The following STUM variants were observed in gnomAD, a reference collection of about 807,000 sequenced individuals.
STUM encodes the protein stum, mechanosensory transduction mediator homolog, also known as protein stum homolog.
Under a neutral mutation model 15.3 loss-of-function variants are expected in STUM, and 8 were observed. The observed-to-expected ratio is 0.52, with a 90% CI of 0.31 to 0.94. The LOEUF (loss-of-function observed/expected upper bound fraction) is 0.94. Among genes scored for constraint, STUM ranks in the 40% least tolerant of loss-of-function variants. The pLI is 0.05. For synonymous variants in STUM, 78 were observed against 88.7 expected (o/e 0.88, Z 0.68); for missense variants, 142 against 204.9 (o/e 0.69, Z 1.87).
chr1:226,592,645 T>C (rs10799361), intron 1 of STUM, among the ~76,000 whole-genome samples: 72,226 of 152,106 alleles, frequency 0.47, 17,306 homozygotes, highest in Admixed American at 0.54. Flanking sequence ...CATATTCTTA[T>C]TCATCTTCAA....
chr1:226,591,644 C>T (rs1168236888), intron 1 of STUM, among the ~76,000 whole-genome samples: 1 of 152,164 alleles, frequency 6.6e-6, no homozygotes, highest in Non-Finnish European at 1.5e-5. Flanking sequence ...GAGATTTCAT[C>T]TTTTGGCCAG....
At chr1:226,578,023 A>ATAG (rs1667848458) in intron 1 of STUM, among the ~76,000 whole-genome samples, 1 of 152,018 alleles carries the variant, frequency 6.6e-6, no homozygotes, top group Non-Finnish European at 1.5e-5. Flanking sequence ...TTGTGATGAG[A>ATAG]TAGTATCATG....
At chr1:226,575,989 G>A (rs1330840647) in intron 1 of STUM, among the ~76,000 whole-genome samples, 1 of 152,228 alleles carries the variant, frequency 6.6e-6, no homozygotes, top group Non-Finnish European at 1.5e-5. Flanking sequence ...AGAACGTACT[G>A]CCCTAGGTTT....
In STUM at chr1:226,600,760, C is replaced by T; in HGVS notation, c.391+86C>T. The T allele has an allele frequency of 7.0e-7, 1 of 1,430,196 alleles. No individual in the cohort carries two copies. Among genetic ancestry groups the T allele is most frequent in the East Asian group, 2.3e-5 (1 of 43,962 alleles). The allele number at this position is 1,430,196 out of a possible 1,614,324, so 88.6% of individuals were successfully genotyped here. On this transcript the variant is annotated intron_variant, in intron 3 of 3. Transcript: ENST00000366788. This position sits in a 1 kb window ranked among gnomAD's most constrained non-coding sequence, Gnocchi z 5.2. ...AGACCCCCACTCCTGCACACAAACA[C>T]CCCACCCACTCTCCCAGTGGGTCAA...
At chr1:226,581,323 C>T (rs371891432) in intron 1 of STUM, among the ~76,000 whole-genome samples, 5 of 152,206 alleles carry the variant, frequency 3.3e-5, no homozygotes, top group Non-Finnish European at 5.9e-5. Context: ...ATTGAATGGA[C>T]GGACAGACAG....
intron 1 of STUM, among the ~76,000 whole-genome samples, chr1:226,571,342 A>G (rs1667708284): frequency 6.6e-6 from 1 of 152,248 alleles, no homozygotes; most frequent in Non-Finnish European, 1.5e-5. Flanking sequence ...TGGAGGGTCT[A>G]GGAAGTACCA....
chr1:226,565,020 G>T lies in STUM; in HGVS notation c.202+15914G>T, dbSNP rs1267368957. Among the ~76,000 whole-genome samples the T allele has an allele frequency of 6.6e-6, 1 of 152,176 alleles. No individual in the cohort carries two copies. The highest frequency in any genetic ancestry group is 1.5e-5 in the Non-Finnish European group (1 of 68,028). On this transcript the variant is annotated intron_variant, in intron 1 of 3. Coordinates refer to ENST00000366788, the MANE Select transcript of STUM (RefSeq NM_001003665.4). The surrounding 1 kb of genome is among the most constrained non-coding windows in gnomAD (Gnocchi z 4.4). ...GGACCCGAGGAGGCCGACCTCTACG[G>T]CCTGCATCACCAGTCCCCTTGCCCT...
At position 226,606,092 on chromosome 1, in the gene STUM, C is replaced by G. The variant is rs549789764; in HGVS notation, c.*4052C>G. On this transcript the variant is annotated 3_prime_UTR_variant, in exon 4 of 4. Coordinates refer to ENST00000366788, the MANE Select transcript of STUM (RefSeq NM_001003665.4). ...CTGGAGGGCAAAGGGGTCCGGCTCT[C>G]AAAAAGAAAAGCCAGGCACAGATCC... 7 of 152,274 alleles carry G rather than the reference C, an allele frequency of 4.6e-5. No individual in the cohort carries two copies. In the East Asian group the frequency reaches 1.4e-3, roughly 29 times the overall value. The allele number at this position is 152,274 out of a possible 1,614,324, so 9.4% of individuals were successfully genotyped here. A position where few individuals can be genotyped will look rare whatever the true frequency, so the allele number is the denominator to read the frequency against.
chr1:226,593,079 G>C (rs1029742769), intron 1 of STUM, among the ~76,000 whole-genome samples: 1 of 152,004 alleles, frequency 6.6e-6, no homozygotes, highest in African/African-American at 2.4e-5. Context: ...CCAGCTACTT[G>C]GGAGGCTGAA....
chr1:226,580,171 G>A (rs997693040), intron 1 of STUM, among the ~76,000 whole-genome samples: 1 of 152,154 alleles, frequency 6.6e-6, no homozygotes, highest in Non-Finnish European at 1.5e-5. Flanking sequence ...TGTGGGAGGA[G>A]GAGCCATGGG....
chr1:226,587,275 TCA>T (rs919047869), intron 1 of STUM, among the ~76,000 whole-genome samples: 4 of 152,088 alleles, frequency 2.6e-5, no homozygotes, highest in African/African-American at 9.7e-5. Flanking sequence ...AGAACTGATG[TCA>T]CAGTCAGGAG....
At chr1:226,554,179 C>G (rs1331541854) in intron 1 of STUM, among the ~76,000 whole-genome samples, 1 of 152,204 alleles carries the variant, frequency 6.6e-6, no homozygotes, top group Non-Finnish European at 1.5e-5. Flanking sequence ...TTCCCTCTCT[C>G]CTGAAAATGG....
At chr1:226,583,597 G>T (rs1393735037) in intron 1 of STUM, among the ~76,000 whole-genome samples, 1 of 152,100 alleles carries the variant, frequency 6.6e-6, no homozygotes. Context: ...CACCTAGAAA[G>T]GTCCTCAGGG....
chr1:226,576,989 C>T (rs945805227), intron 1 of STUM, among the ~76,000 whole-genome samples: 1 of 152,244 alleles, frequency 6.6e-6, no homozygotes, highest in Non-Finnish European at 1.5e-5. Context: ...TTAGTGACCA[C>T]CGCTGCTCCC....
chr1:226,559,348 C>T (rs1045090519), intron 1 of STUM, among the ~76,000 whole-genome samples: 2 of 152,176 alleles, frequency 1.3e-5, no homozygotes, highest in East Asian at 1.9e-4. Context: ...CTTCAATTTA[C>T]GGACAAGGGA....
At chr1:226,581,907 T>G (rs1392168865) in intron 1 of STUM, among the ~76,000 whole-genome samples, 2 of 152,214 alleles carry the variant, frequency 1.3e-5, no homozygotes, top group African/African-American at 4.8e-5. Flanking sequence ...CTGTGGAGTG[T>G]TGTAAGTCCT....
At chr1:226,586,185 G>A (rs1023347910) in intron 1 of STUM, among the ~76,000 whole-genome samples, 3 of 152,128 alleles carry the variant, frequency 2.0e-5, no homozygotes, top group East Asian at 3.9e-4. Context: ...AGGGTTCAGG[G>A]TGCACTGTTC....
intron 1 of STUM, among the ~76,000 whole-genome samples, chr1:226,580,319 A>T (rs1667898099): frequency 6.6e-6 from 1 of 152,088 alleles, no homozygotes; most frequent in South Asian, 2.1e-4. Flanking sequence ...AATATCCCAG[A>T]AGAGGTGTCA....
chr1:226,605,484 C>G lies in STUM; in HGVS notation c.*3444C>G, dbSNP rs1421729089. On this transcript the variant is annotated 3_prime_UTR_variant, in exon 4 of 4. Transcript: ENST00000366788. The surrounding 1 kb of genome is among the most constrained non-coding windows in gnomAD (Gnocchi z 4.0). Reference sequence around the variant, plus strand: ...CCCAGAGCAGGTCCTGTGGAGGGGTCCTCACCCCTCAGGAGTAATAGGGTG... The same window carrying G: ...CCCAGAGCAGGTCCTGTGGAGGGGTGCTCACCCCTCAGGAGTAATAGGGTG... 3 of 152,236 alleles carry G rather than the reference C, an allele frequency of 2.0e-5. No homozygotes were observed. The highest frequency in any genetic ancestry group is 2.9e-5 in the Non-Finnish European group (2 of 68,084). The allele number at this position is 152,236 out of a possible 1,614,324, so 9.4% of individuals were successfully genotyped here.
Sources: allele counts gnomAD v4.1 joint callset (sites outside exome capture counted in the v4.1 genomes callset), GRCh38; gene constraint gnomAD v4.1.1; non-coding constraint Gnocchi (gnomAD v3.1); transcripts MANE v1.5; gene names NCBI Gene and HGNC (gene_info 2026-07-23, HGNC 2026-07-21).